ATP6V0A4: variants seen among roughly 807,000 people sequenced by gnomAD.
ATP6V0A4 encodes the protein V-type proton ATPase 116 kDa subunit a 4.
ATP6V0A4 carries 86 observed loss-of-function variants against 107.3 expected under a neutral mutation model. The ratio of observed to expected loss-of-function variants is 0.80; its 90% CI spans 0.67 to 0.96. The LOEUF (loss-of-function observed/expected upper bound fraction) is 0.96, where lower values mean the gene tolerates loss of function less well. ATP6V0A4 is among the 40% of genes least tolerant of loss of function. The probability of loss-of-function intolerance (pLI) is 0.00; values close to 1 mark genes in which losing one functional copy is unlikely to be tolerated. For synonymous variants in ATP6V0A4, 353 were observed against 381.4 expected, an observed-to-expected ratio of 0.93 and a Z score of 0.87; for missense variants, 908 against 1,045.6, an observed-to-expected ratio of 0.87 and a Z score of 1.81.
rs73730479 is a variant in ATP6V0A4 at position 138,732,897 on chromosome 7, C to A, written c.1888G>T (p.Ala630Ser). The change falls in exon 17 of 22, where the codon GCA (alanine) becomes TCA (serine). Residue 630 changes from alanine (A) to serine (S), a missense_variant. By Grantham distance (99) the Ala-to-Ser change is moderately conservative. Transcript: ENST00000310018. The stretch of plus-strand genomic sequence containing the variant: ...AATACCTGATGTTTGTAGAGGGGTG[C>A]GTTGGAAGAGTCACTGTAGTTAAAC... ...FLFNYSDSSN[A>S]PLYKHQQEVQ... 6.2e-7 allele frequency: 1 copy of A among 1,609,478 alleles called. No individual in the cohort carries two copies. Among genetic ancestry groups the A allele is most frequent in the South Asian group, 1.1e-5 (1 of 90,778 alleles).
In ATP6V0A4 at chr7:138,730,915, T is replaced by TC. The variant is rs1562988365; in HGVS notation, c.1908+1961_1908+1962insG. On this transcript the variant is annotated intron_variant, in intron 17 of 21. Transcript: ENST00000310018. ...TATGAAAACCTGATTACAAGGCATT[T>TC]TTTCTTCTTCTTCTTCTTTTTTTAT... 1.8e-4 allele frequency among the ~76,000 whole-genome samples: 24 copies of TC among 131,118 alleles called. 1 individual carries two copies. The highest frequency in any genetic ancestry group is 4.9e-4 in the African/African-American group (15 of 30,424). The allele number at this position is 131,118 out of a possible 152,430, so 86.0% of individuals were successfully genotyped here.
In ATP6V0A4 at chr7:138,781,839, CTCTCT is replaced by C. The variant is rs1241866563; in HGVS notation, c.-18+4314_-18+4318del. Among the ~76,000 whole-genome samples the C allele has an allele frequency of 9.6e-4, 40 of 41,544 alleles. 1 individual carries two copies. The South Asian group carries it at 0.013, about 13-fold the overall frequency. The allele number at this position is 41,544 out of a possible 152,430, so 27.3% of individuals were successfully genotyped here. A position where few individuals can be genotyped will look rare whatever the true frequency, so the allele number is the denominator to read the frequency against. Reference sequence around the variant, plus strand: ...TAAAGAAATTTTTCTCTGTCTCTCTCTCTCTTTTTTTTTTTTTTTGTAGAGTTTGG... The same window carrying C: ...TAAAGAAATTTTTCTCTGTCTCTCTCTTTTTTTTTTTTTTGTAGAGTTTGG... On this transcript the variant is annotated intron_variant, in intron 2 of 21. Coordinates refer to ENST00000310018, the MANE Select transcript of ATP6V0A4 (RefSeq NM_020632.3).
rs765508266 is a variant in ATP6V0A4 at position 138,752,813 on chromosome 7, G to T, written c.841C>A (p.Arg281Ser). Residue 281 changes from arginine to serine, a missense_variant, in exon 11 of 22, where the codon CGC becomes AGC. Arg to Ser is a moderately radical substitution (Grantham distance 110). Coordinates refer to ENST00000310018, the MANE Select transcript of ATP6V0A4 (RefSeq NM_020632.3). ...GCGGCTTCCTGCAGCAGGCGCTGGC[G>T]GTGAGACTCTGTTTGTGTTATGACC... ...ITVITQTESHRQRLLQEAAAN... is the reference protein window; with the variant it reads ...ITVITQTESHSQRLLQEAAAN... The T allele has an allele frequency of 9.9e-6, 16 of 1,613,962 alleles. No homozygotes were observed. Among genetic ancestry groups the T allele is most frequent in the African/African-American group, 1.3e-5 (1 of 74,920 alleles).
At chr7:138,761,341 C>A (rs533315713) in intron 7 of ATP6V0A4, among the ~76,000 whole-genome samples, 3 of 146,496 alleles carry the variant, frequency 2.0e-5, no homozygotes, top group East Asian at 4.0e-4. Flanking sequence ...CAAAAAAAAA[C>A]ACACAAATTC....
At chr7:138,726,823 T>C (rs1423581026) in intron 18 of ATP6V0A4, among the ~76,000 whole-genome samples, 1 of 152,100 alleles carries the variant, frequency 6.6e-6, no homozygotes, top group Non-Finnish European at 1.5e-5. Flanking sequence ...TTCAGAGCTA[T>C]CATCCATGAA....
chr7:138,769,030 C>T (rs1482024310), intron 4 of ATP6V0A4, 143 bp downstream of exon 4: 2 of 1,567,486 alleles, frequency 1.3e-6, no homozygotes, highest in East Asian at 2.3e-5. Flanking sequence ...CAACCTCCCC[C>T]ATTCCCTCCA....
At chr7:138,772,279 T>G (rs1012801756) in intron 2 of ATP6V0A4, among the ~76,000 whole-genome samples, 1 of 152,124 alleles carries the variant, frequency 6.6e-6, no homozygotes, top group Non-Finnish European at 1.5e-5. Context: ...GAGAAACAGA[T>G]GAACAAGAAT....
At chr7:138,745,473 A>C (rs569349463) in intron 13 of ATP6V0A4, 193 bp from the exon 14 acceptor site, 1 of 289,520 alleles carries the variant, frequency 3.5e-6, no homozygotes, top group East Asian at 1.8e-4. Context: ...TAGGTGCACC[A>C]AAAAGTCCTA....
chr7:138,718,587 A>AATGGGGAGGC (rs1804252499), intron 19 of ATP6V0A4, among the ~76,000 whole-genome samples: 1 of 52,436 alleles, frequency 1.9e-5, no homozygotes. Context: ...CATGGGGCGG[A>AATGGGGAGGC]ATGGGGAGGA....
At chr7:138,792,062 A>C (rs1456713237) in intron 1 of ATP6V0A4, among the ~76,000 whole-genome samples, 2 of 152,186 alleles carry the variant, frequency 1.3e-5, no homozygotes, top group African/African-American at 4.8e-5. Context: ...TAATCCCAGC[A>C]CTTTGGGAGG....
intron 15 of ATP6V0A4, among the ~76,000 whole-genome samples, chr7:138,736,710 T>G (rs1027935539): frequency 3.9e-5 from 6 of 151,978 alleles, no homozygotes; most frequent in Non-Finnish European, 5.9e-5. Flanking sequence ...TAGCTGGGAT[T>G]ACAGGCACCC....
rs188075671 is a variant in ATP6V0A4, at chr7:138,713,434, G to T, written c.2257+2330C>A. On this transcript the variant is annotated intron_variant, in intron 20 of 21. Transcript: ENST00000310018. ...CACAGCTGAGCTGTGAAGATCACAC[G>T]AATGCTGAGTACTGGAGTTTCGTTT... is the stretch of plus-strand genomic sequence containing the variant. Among the ~76,000 whole-genome samples, 3 of 152,234 alleles carry T rather than the reference G, an allele frequency of 2.0e-5. No homozygotes were observed. In the East Asian group the frequency reaches 5.8e-4, roughly 29 times the overall value.
At chr7:138,788,511 T>G (rs940193770) in intron 1 of ATP6V0A4, among the ~76,000 whole-genome samples, 3 of 152,094 alleles carry the variant, frequency 2.0e-5, no homozygotes, top group Non-Finnish European at 2.9e-5. Context: ...AAGAAACCAA[T>G]CCCTTGAGGC....
chr7:138,795,033 G>A (rs554073128), intron 1 of ATP6V0A4, among the ~76,000 whole-genome samples: 1 of 152,112 alleles, frequency 6.6e-6, no homozygotes, highest in Non-Finnish European at 1.5e-5. Context: ...AAGTAGCCGG[G>A]ATTACAGGCA....
intron 1 of ATP6V0A4, among the ~76,000 whole-genome samples, 163 bp from the exon 2 acceptor site, chr7:138,786,423 A>G (rs1419911059): frequency 3.3e-5 from 5 of 151,748 alleles, no homozygotes; most frequent in Admixed American, 6.6e-5. Context: ...CTCTACACAA[A>G]ATAAACTTAG....
intron 5 of ATP6V0A4, 65 bp downstream of exon 5, chr7:138,768,715 G>A: frequency 5.1e-6 from 8 of 1,584,032 alleles, no homozygotes; most frequent in Non-Finnish European, 6.9e-6. Context: ...GGCTCTCAGG[G>A]CCTTCAAGGA....
chr7:138,769,363 G>A (rs1228026876), intron 3 of ATP6V0A4, 112 bp from the exon 4 acceptor site: 3 of 1,462,006 alleles, frequency 2.1e-6, no homozygotes, highest in East Asian at 2.5e-5. Context: ...CACCCAGACT[G>A]GAGGGCAATG....
chr7:138,745,333 C>T (rs1332295354), intron 13 of ATP6V0A4, 53 bp from the exon 14 acceptor site: 2 of 1,611,360 alleles, frequency 1.2e-6, no homozygotes, highest in African/African-American at 2.7e-5. Context: ...GAAGCAGACC[C>T]CAGAGGGAAG....
chr7:138,739,952 G>T (rs965176730), intron 14 of ATP6V0A4, among the ~76,000 whole-genome samples: 1 of 152,124 alleles, frequency 6.6e-6, no homozygotes, highest in African/African-American at 2.4e-5. Flanking sequence ...AGACCAGCTG[G>T]TTGTGGTGGC....
Sources: gnomAD v4.1 joint callset for allele counts (sites outside exome capture counted in the v4.1 genomes callset) on GRCh38, gnomAD v4.1.1 for gene constraint, MANE v1.5 for transcripts, NCBI Gene and HGNC (gene_info 2026-07-23, HGNC 2026-07-21) for gene names.